Variants in DNAH9 observed in about 807,000 individuals in gnomAD.
DNAH9 encodes DNAH9 variant protein.
DNAH9 carries 345 observed loss-of-function variants against 471.6 expected under a neutral mutation model. The ratio of observed to expected loss-of-function variants is 0.73; its 90% CI spans 0.67 to 0.80. The LOEUF (loss-of-function observed/expected upper bound fraction) is 0.80, where lower values mean the gene tolerates loss of function less well. DNAH9 is among the 30% of genes least tolerant of loss of function. The pLI is 0.00. For synonymous variants in DNAH9, 2,093 were observed against 2,123.6 expected, an observed-to-expected ratio of 0.99 and a Z score of 0.40; for missense variants, 5,407 against 5,609.2, an observed-to-expected ratio of 0.96 and a Z score of 1.15.
chr17:11,662,664 AT>A (rs66502526), intron 14 of DNAH9, among the ~76,000 whole-genome samples: 78,725 of 145,424 alleles, frequency 0.54, 22,767 homozygotes, highest in East Asian at 0.69. Flanking sequence ...GAGAATCTGG[AT>A]TTTTTTCCTT....
At chr17:11,615,572 G>A (rs1185230218) in intron 4 of DNAH9, among the ~76,000 whole-genome samples, 2 of 151,682 alleles carry the variant, frequency 1.3e-5, no homozygotes, top group South Asian at 2.1e-4. Context: ...GTGACAGAGT[G>A]AGACTCCATC....
chr17:11,934,037 T>A lies in DNAH9; in HGVS notation c.12455T>A (p.Leu4152His). 1 of 1,614,080 alleles carries A rather than the reference T, an allele frequency of 6.2e-7. No homozygotes were observed. Residue 4152 changes from leucine (L) to histidine (H), a missense_variant, in exon 65 of 69, where the codon CTC (leucine) becomes CAC (histidine). By Grantham distance (99) the Leu-to-His change is moderately conservative (BLOSUM62 -3). Coordinates refer to ENST00000262442, the MANE Select transcript of DNAH9 (RefSeq NM_001372.4). Reference protein sequence around the residue: ...GELSLAPGFPLPGNMDYNGYH... With the variant: ...GELSLAPGFPHPGNMDYNGYH... ...CTGTCTTTGGCCCCAGGGTTCCCAC[T>A]CCCAGGCAACATGGACTACAATGGT...
In DNAH9 at chr17:11,671,406, AG is replaced by A. The variant is rs367743220; in HGVS notation, c.3353+1619del. ...AGCTCCAGCGTCCATCAGGAAGCAG[AG>A]GGGGGGCAGAGAATACAGGCAGGAG... On this transcript the variant is annotated intron_variant, in intron 17 of 68. Coordinates refer to ENST00000262442, the MANE Select transcript of DNAH9 (RefSeq NM_001372.4). Among the ~76,000 whole-genome samples the A allele has an allele frequency of 2.6e-4, 39 of 149,428 alleles. No individual in the cohort carries two copies. In the South Asian group the frequency reaches 6.7e-3, roughly 26 times the overall value.
intron 2 of DNAH9, 108 bp from the exon 3 acceptor site, chr17:11,610,288 C>T (rs2072606174): frequency 5.8e-6 from 5 of 859,192 alleles, no homozygotes; most frequent in African/African-American, 1.7e-5. Flanking sequence ...AATTTCTCAC[C>T]TATTTTTTTA....
chr17:11,778,678 G>A (rs1381899486), intron 38 of DNAH9, among the ~76,000 whole-genome samples: 1 of 152,084 alleles, frequency 6.6e-6, no homozygotes, highest in Non-Finnish European at 1.5e-5. Flanking sequence ...AGTGGAGACG[G>A]CGAAAAGAGA....
intron 48 of DNAH9, among the ~76,000 whole-genome samples, chr17:11,828,244 C>T (rs1455086023): frequency 1.3e-5 from 2 of 151,810 alleles, no homozygotes; most frequent in African/African-American, 4.8e-5. Flanking sequence ...GAGTCCGAGG[C>T]GGGTGGATCA....
rs1369349032 is a variant in DNAH9 at position 11,751,067 on chromosome 17, A to G, written c.6611-1766A>G. Among the ~76,000 whole-genome samples the G allele has an allele frequency of 2.0e-5, 3 of 152,184 alleles. No homozygotes were observed. In the South Asian group the frequency reaches 6.2e-4, roughly 32 times the overall value. On this transcript the variant is annotated intron_variant, in intron 32 of 68. Coordinates refer to ENST00000262442, the MANE Select transcript of DNAH9 (RefSeq NM_001372.4). ...AATTTGGAATTAACAGACAAGAGTA[A>G]AGTAGAAGAAAATATTTAATTGATG...
rs1421194382 is a variant in DNAH9, at chr17:11,626,291, TAAAC to T, written c.1351-3123_1351-3120del. Among the ~76,000 whole-genome samples the T allele has an allele frequency of 1.3e-5, 2 of 152,222 alleles. No individual in the cohort carries two copies. Among genetic ancestry groups the T allele is most frequent in the South Asian group, 2.1e-4 (1 of 4,836 alleles). On this transcript the variant is annotated intron_variant, in intron 6 of 68. Coordinates refer to ENST00000262442, the MANE Select transcript of DNAH9 (RefSeq NM_001372.4). The surrounding 1 kb of genome is among the most constrained non-coding windows in gnomAD (Gnocchi z 4.3). Reference sequence around the variant, plus strand: ...TATCTGTTTTGTGAGAACTTTTAAATAAACAATGAAAAGAACTTACATTTACATA... The same window carrying T: ...TATCTGTTTTGTGAGAACTTTTAAATAATGAAAAGAACTTACATTTACATA...
intron 49 of DNAH9, among the ~76,000 whole-genome samples, chr17:11,840,660 AG>A (rs1214306982): frequency 6.6e-6 from 1 of 152,176 alleles, no homozygotes; most frequent in African/African-American, 2.4e-5. Flanking sequence ...ATCTTGAGAC[AG>A]GGGGATTATC....
Position 11,689,820 on chromosome 17 carries a change from A to G in DNAH9, c.3998A>G (p.Glu1333Gly). The G allele has an allele frequency of 6.2e-7, 1 of 1,613,882 alleles. No individual in the cohort carries two copies. The highest frequency in any genetic ancestry group is 8.5e-7 in the Non-Finnish European group (1 of 1,179,862). ...AGGAATATCAACGTGGAAGCCATGG[A>G]GTTGGAGTGCAAACAGTTTGCCCGG... Reference protein sequence around the residue: ...PWRNINVEAMELECKQFARHI... With the variant: ...PWRNINVEAMGLECKQFARHI... The change falls in exon 20 of 69, where the codon GAG becomes GGG. Residue 1333 changes from glutamate (E) to glycine (G), a missense_variant. Glu to Gly is a moderately conservative substitution (Grantham distance 98). This residue lies in a region of DNAH9 where 4,636 missense variants were observed against 4,900.3 expected (regional missense o/e 0.95). Transcript: ENST00000262442.
chr17:11,698,769 A>C (rs2074537946), intron 22 of DNAH9, among the ~76,000 whole-genome samples: 1 of 152,078 alleles, frequency 6.6e-6, no homozygotes, highest in African/African-American at 2.4e-5. Context: ...TCAGGACCAC[A>C]ACATAGCTCT....
intron 50 of DNAH9, among the ~76,000 whole-genome samples, chr17:11,864,930 T>C (rs192594091): frequency 1.6e-3 from 251 of 152,314 alleles, no homozygotes; most frequent in African/African-American, 5.7e-3. Flanking sequence ...GCATGTGAGA[T>C]GGGTTTCCTG....
At chr17:11,678,577 C>T (rs780772676) in intron 17 of DNAH9, among the ~76,000 whole-genome samples, 4 of 152,094 alleles carry the variant, frequency 2.6e-5, no homozygotes, top group Non-Finnish European at 5.9e-5. Context: ...GCCGAGTAGT[C>T]GGTTATCAGT....
At chr17:11,966,316 T>C (rs1023097988) in intron 68 of DNAH9, among the ~76,000 whole-genome samples, 1 of 152,170 alleles carries the variant, frequency 6.6e-6, no homozygotes, top group African/African-American at 2.4e-5. Flanking sequence ...ATAGTCAAAA[T>C]GCTGAAAGAA....
At chr17:11,683,881 A>G (rs961218116) in intron 19 of DNAH9, among the ~76,000 whole-genome samples, 1 of 152,208 alleles carries the variant, frequency 6.6e-6, no homozygotes. Context: ...GAAAAACATC[A>G]GAGCTAAAAT....
Position 11,699,902 on chromosome 17 carries a change from C to T in DNAH9, c.5025+19C>T, listed in dbSNP as rs974567574. 1.9e-6 allele frequency: 3 copies of T among 1,612,570 alleles called. No individual in the cohort carries two copies. In the African/African-American group the frequency reaches 4.0e-5, roughly 22 times the overall value. On this transcript the variant is annotated intron_variant, in intron 23 of 68. Coordinates refer to ENST00000262442, the MANE Select transcript of DNAH9 (RefSeq NM_001372.4). ...CGGGCAGGTAACACAGTAGCCCTTT[C>T]CCCTCCTTCTGCTTTTCTCTCTCAA...
At chr17:11,751,923 T>C (rs1461602798) in intron 32 of DNAH9, among the ~76,000 whole-genome samples, 1 of 152,090 alleles carries the variant, frequency 6.6e-6, no homozygotes, top group African/African-American at 2.4e-5. Context: ...ATACACAAAA[T>C]TTGGTAACTT....
At chr17:11,656,966 G>A (rs1295614598) in intron 14 of DNAH9, among the ~76,000 whole-genome samples, 1 of 128,926 alleles carries the variant, frequency 7.8e-6, no homozygotes, top group Non-Finnish European at 1.8e-5. Context: ...GAATATAACA[G>A]AATTCATCCA....
At chr17:11,753,395 A>C (rs1347199674) in intron 33 of DNAH9, among the ~76,000 whole-genome samples, 1 of 152,142 alleles carries the variant, frequency 6.6e-6, no homozygotes, top group Non-Finnish European at 1.5e-5. Context: ...TTTTATAAAC[A>C]ATGAAACCTC....
Sources: gnomAD v4.1 joint callset for allele counts (sites outside exome capture counted in the v4.1 genomes callset) on GRCh38, gnomAD v4.1.1 for gene constraint, gnomAD v4.1.1 regional missense constraint, Gnocchi (gnomAD v3.1) non-coding constraint, MANE v1.5 for transcripts, NCBI Gene and HGNC (gene_info 2026-07-23, HGNC 2026-07-21) for gene names.